ANKFN1: variants seen among roughly 807,000 people sequenced by gnomAD.
ANKFN1 encodes the protein ankyrin repeat and fibronectin type-III domain-containing protein 1.
A neutral mutation model predicts 108.7 loss-of-function variants in ANKFN1; 74 were observed. The observed-to-expected ratio is 0.68, with a 90% confidence interval of 0.56 to 0.83. The LOEUF is 0.83. ANKFN1 is among the 40% of genes least tolerant of loss of function. The probability of loss-of-function intolerance (pLI) is 0.00; values close to 1 mark genes in which losing one functional copy is unlikely to be tolerated. For missense variants in ANKFN1, 1,505 were observed against 1,382.3 expected (o/e 1.09, Z -1.41); for synonymous variants, 547 against 516.2 (o/e 1.06, Z -0.81).
chr17:56,420,460 T>C (rs1306401425), intron 8 of ANKFN1, among the ~76,000 whole-genome samples: 2 of 152,220 alleles, frequency 1.3e-5, no homozygotes, highest in Admixed American at 6.5e-5. Context: ...CTAAAGGTTA[T>C]CTATATAATA....
intron 20 of ANKFN1, among the ~76,000 whole-genome samples, chr17:56,500,416 G>A (rs2051332728): frequency 6.6e-6 from 1 of 152,174 alleles, no homozygotes; most frequent in Non-Finnish European, 1.5e-5. Flanking sequence ...TTTAAGTAGA[G>A]TTTCTAGAGT....
intron 6 of ANKFN1, among the ~76,000 whole-genome samples, chr17:56,370,232 T>C (rs1163690366): frequency 6.6e-6 from 1 of 152,174 alleles, no homozygotes; most frequent in Admixed American, 6.5e-5. Context: ...AAATGCATTA[T>C]CTTGAAGAGG....
chr17:56,107,365 A>G (rs986718434), intron 4 of ANKFN1, among the ~76,000 whole-genome samples: 3 of 152,208 alleles, frequency 2.0e-5, no homozygotes, highest in African/African-American at 4.8e-5. Context: ...AAAAAGGCCA[A>G]TCGCTAGACC....
intron 3 of ANKFN1, among the ~76,000 whole-genome samples, chr17:56,232,332 A>T (rs1916798320): frequency 6.6e-6 from 1 of 152,122 alleles, no homozygotes; most frequent in Non-Finnish European, 1.5e-5. Flanking sequence ...CAAAAACAAA[A>T]AGAAATTCTC....
At chr17:56,100,650 A>C (rs896987751) in intron 4 of ANKFN1, among the ~76,000 whole-genome samples, 1 of 152,222 alleles carries the variant, frequency 6.6e-6, no homozygotes, top group African/African-American at 2.4e-5. Context: ...AGGAGATCAG[A>C]GGAGGCAGTA....
intron 8 of ANKFN1, among the ~76,000 whole-genome samples, chr17:56,387,011 T>C (rs2047296209): frequency 6.6e-6 from 1 of 152,140 alleles, no homozygotes; most frequent in Non-Finnish European, 1.5e-5. Context: ...ATGGTGATTA[T>C]AGCCCCTTTA....
rs114527516 is a variant in ANKFN1, at chr17:56,342,650, G to T, written c.189-8116G>T. ...CTGAGTTCTAATTTGATTGTAACGTGGTCCAAGAGATTGTTTGATATGATT... is the reference window on the plus strand; with the variant it reads ...CTGAGTTCTAATTTGATTGTAACGTTGTCCAAGAGATTGTTTGATATGATT... On this transcript the variant is annotated intron_variant, in intron 4 of 20. Coordinates refer to ENST00000682825, the MANE Select transcript of ANKFN1 (RefSeq NM_001370326.1). Among the ~76,000 whole-genome samples the T allele has an allele frequency of 9.9e-3, 1,513 of 152,108 alleles. 22 individuals are homozygous for T. Among genetic ancestry groups the T allele is most frequent in the African/African-American group, 0.034 (1,402 of 41,522 alleles).
At chr17:56,273,215 C>T (rs761204834) in intron 3 of ANKFN1, among the ~76,000 whole-genome samples, 1 of 152,034 alleles carries the variant, frequency 6.6e-6, no homozygotes, top group Non-Finnish European at 1.5e-5. Flanking sequence ...CTTCAGTATC[C>T]CTTTTTCATT....
At chr17:56,281,558 T>C (rs2044083536) in intron 3 of ANKFN1, among the ~76,000 whole-genome samples, 1 of 152,170 alleles carries the variant, frequency 6.6e-6, no homozygotes, top group Admixed American at 6.5e-5. Flanking sequence ...CATTTAAAAA[T>C]ATGTGAATAA....
chr17:56,433,094 G>A (rs947098384), intron 8 of ANKFN1, among the ~76,000 whole-genome samples: 2 of 152,130 alleles, frequency 1.3e-5, no homozygotes, highest in African/African-American at 4.8e-5. Context: ...CTGATAGAAT[G>A]TGTAGCACAC....
chr17:56,469,963 A>G (rs1027899438), intron 15 of ANKFN1, among the ~76,000 whole-genome samples: 3 of 151,794 alleles, frequency 2.0e-5, no homozygotes, highest in Non-Finnish European at 2.9e-5. Context: ...AACAGGCCCC[A>G]ATGTAGGTTG....
At chr17:56,233,547 T>C (rs1352522564) in intron 3 of ANKFN1, among the ~76,000 whole-genome samples, 1 of 152,010 alleles carries the variant, frequency 6.6e-6, no homozygotes, top group Admixed American at 6.6e-5. Flanking sequence ...ATGTGCTGTT[T>C]TGTTCTTGTT....
intron 14 of ANKFN1, among the ~76,000 whole-genome samples, chr17:56,465,933 C>A (rs1283407981): frequency 6.6e-6 from 1 of 152,156 alleles, no homozygotes. Flanking sequence ...CCACCTCATA[C>A]CAGCTTACTG....
intron 6 of ANKFN1, among the ~76,000 whole-genome samples, chr17:56,363,933 T>C (rs1304659722): frequency 6.6e-6 from 1 of 151,840 alleles, no homozygotes; most frequent in Non-Finnish European, 1.5e-5. Context: ...AGTCAGGGGG[T>C]TGGGGACAAT....
Position 56,054,642 on chromosome 17 carries a change from T to G in ANKFN1, c.288+8317T>G, listed in dbSNP as rs376350816. Among the ~76,000 whole-genome samples, 20 of 152,360 alleles carry G rather than the reference T, an allele frequency of 1.3e-4. No individual in the cohort carries two copies. In the East Asian group the frequency reaches 3.3e-3, roughly 25 times the overall value. The stretch of plus-strand genomic sequence containing the variant: ...ATACTTAATTGCAGACTGAGCATGG[T>G]GGCTCACACCTGTAATCCTAGCACT... On this transcript the variant is annotated intron_variant, in intron 4 of 12. Coordinates refer to the ANKFN1 transcript ENST00000635860.
Position 56,113,778 on chromosome 17 carries a change from C to T in ANKFN1, c.288+67453C>T, listed in dbSNP as rs74561025. Among the ~76,000 whole-genome samples, 3 of 152,260 alleles carry T rather than the reference C, an allele frequency of 2.0e-5. No individual in the cohort carries two copies. The East Asian group carries it at 5.8e-4, about 29-fold the overall frequency. On this transcript the variant is annotated intron_variant, in intron 4 of 12. Transcript: ENST00000635860. ...ATCATAAGTCAAATAGGCAGTCATA[C>T]ACCCACAGGGAGAAATAGAGTCTTT...
chr17:56,510,634 G>GC lies in ANKFN1; in HGVS notation c.2811dup (p.Asp938ArgfsTer35). On this transcript the variant is annotated frameshift_variant, in exon 21 of 21. Coordinates refer to ENST00000682825, the MANE Select transcript of ANKFN1 (RefSeq NM_001370326.1). LOFTEE classifies it low-confidence loss of function (END_TRUNC). The stretch of plus-strand genomic sequence containing the variant: ...GACCCTTAGCGGCCTAAGCGGCAGC[G>GC]CCCCCGACGTCCTGCAAGTGCACGA... 2 of 1,536,118 alleles carry GC rather than the reference G, an allele frequency of 1.3e-6. No homozygotes were observed. The highest frequency in any genetic ancestry group is 1.2e-5 in the South Asian group (1 of 84,066).
intron 4 of ANKFN1, among the ~76,000 whole-genome samples, chr17:56,051,438 T>C (rs1339093475): frequency 1.3e-4 from 17 of 127,160 alleles, no homozygotes; most frequent in African/African-American, 5.3e-4. Flanking sequence ...AAGAGCTATC[T>C]ATGACAAACC....
At chr17:56,195,687 A>G (rs1913442080) in intron 1 of ANKFN1, among the ~76,000 whole-genome samples, 2 of 152,332 alleles carry the variant, frequency 1.3e-5, no homozygotes, top group African/African-American at 2.4e-5. Flanking sequence ...TCAAGGGTCT[A>G]TGACAGCAGC....
Sources: allele counts gnomAD v4.1 joint callset (sites outside exome capture counted in the v4.1 genomes callset), GRCh38; gene constraint gnomAD v4.1.1; transcripts MANE v1.5; gene names NCBI Gene and HGNC (gene_info 2026-07-23, HGNC 2026-07-21).